RAB3GAP2: variants seen among roughly 807,000 people sequenced by gnomAD.
RAB3GAP2 encodes rab3 GTPase-activating protein non-catalytic subunit.
A neutral mutation model predicts 185.3 loss-of-function variants in RAB3GAP2; 87 were observed. The observed-to-expected ratio is 0.47, with a 90% confidence interval of 0.39 to 0.56. The LOEUF is 0.56. RAB3GAP2 is among the 20% of genes least tolerant of loss of function. The probability of loss-of-function intolerance (pLI) is 0.00; values close to 1 mark genes in which losing one functional copy is unlikely to be tolerated. For missense variants in RAB3GAP2, 1,492 were observed against 1,638.2 expected (o/e 0.91, Z 1.54); for synonymous variants, 554 against 576.1 (o/e 0.96, Z 0.55).
intron 1 of RAB3GAP2, among the ~76,000 whole-genome samples, chr1:220,237,708 G>A (rs1659619618): frequency 6.6e-6 from 1 of 152,122 alleles, no homozygotes; most frequent in Admixed American, 6.5e-5. Context: ...AAACCTAAGT[G>A]CTGGTCTAAT....
intron 31 of RAB3GAP2, among the ~76,000 whole-genome samples, chr1:220,154,974 C>T (rs1021050437): frequency 6.6e-6 from 1 of 152,208 alleles, no homozygotes; most frequent in Non-Finnish European, 1.5e-5. Flanking sequence ...ATCTGCCCGC[C>T]TCAGCCTCCC....
At chr1:220,157,521 G>A in intron 30 of RAB3GAP2, 33 bp from the exon 31 acceptor site, 1 of 1,595,474 alleles carries the variant, frequency 6.3e-7, no homozygotes, top group Non-Finnish European at 8.6e-7. Flanking sequence ...ACTGTGTTCA[G>A]TAATGGAAAA....
intron 13 of RAB3GAP2, among the ~76,000 whole-genome samples, chr1:220,191,809 ACT>A (rs925675421): frequency 6.6e-6 from 1 of 151,264 alleles, no homozygotes. Context: ...CAAGAGCGAA[ACT>A]CTCTAAAAAA....
intron 1 of RAB3GAP2, among the ~76,000 whole-genome samples, chr1:220,236,908 T>C (rs774221919): frequency 2.0e-5 from 3 of 152,176 alleles, no homozygotes; most frequent in Non-Finnish European, 4.4e-5. Flanking sequence ...TTTAGGTTAA[T>C]ATGGAATATT....
intron 4 of RAB3GAP2, among the ~76,000 whole-genome samples, chr1:220,212,647 C>T (rs1451685403): frequency 6.6e-6 from 1 of 152,070 alleles, no homozygotes; most frequent in Non-Finnish European, 1.5e-5. Flanking sequence ...GTGTGCGCAT[C>T]ACATCCAGCT....
intron 1 of RAB3GAP2, among the ~76,000 whole-genome samples, chr1:220,245,425 G>A (rs924820965): frequency 3.9e-5 from 6 of 152,164 alleles, no homozygotes; most frequent in Non-Finnish European, 7.4e-5. Context: ...CTGGAAAATC[G>A]GGTCACTCCC....
intron 1 of RAB3GAP2, among the ~76,000 whole-genome samples, chr1:220,246,696 C>G (rs2102517850): frequency 7.5e-6 from 1 of 132,892 alleles, no homozygotes; most frequent in African/African-American, 2.9e-5. Context: ...CGCATATTCT[C>G]ACTCATAGGT....
intron 1 of RAB3GAP2, among the ~76,000 whole-genome samples, chr1:220,271,515 G>A (rs745335002): frequency 6.6e-6 from 1 of 152,148 alleles, no homozygotes. Flanking sequence ...TAGGTGGAAG[G>A]CTTCAATAAA....
chr1:220,254,474 C>T, intron 1 of RAB3GAP2: 5 of 1,613,568 alleles, frequency 3.1e-6, no homozygotes, highest in Non-Finnish European at 4.2e-6. Flanking sequence ...GCAAAGAATT[C>T]TGCAACTTTG....
chr1:220,172,152 T>C (rs542115599), intron 22 of RAB3GAP2, 103 bp from the exon 23 acceptor site: 472 of 1,145,212 alleles, frequency 4.1e-4, no homozygotes, highest in Non-Finnish European at 5.6e-4. Context: ...TACCTACTGA[T>C]GTGTTTTTGT....
intron 2 of RAB3GAP2, among the ~76,000 whole-genome samples, chr1:220,228,725 A>C (rs1355975785): frequency 2.6e-5 from 4 of 152,330 alleles, no homozygotes; most frequent in Non-Finnish European, 5.9e-5. Context: ...ACAGGGGTTC[A>C]AAAATGGATA....
intron 8 of RAB3GAP2, among the ~76,000 whole-genome samples, chr1:220,205,586 A>G (rs556706903): frequency 6.6e-6 from 1 of 152,312 alleles, no homozygotes; most frequent in Admixed American, 6.5e-5. Flanking sequence ...TTGGTTGTCA[A>G]TACTAGGGTT....
intron 19 of RAB3GAP2, 24 bp from the exon 20 acceptor site, chr1:220,182,955 A>C (rs1028050530): frequency 6.4e-7 from 1 of 1,567,518 alleles, no homozygotes; most frequent in East Asian, 2.2e-5. Flanking sequence ...AACAAAACAA[A>C]ACAACATTCC....
chr1:220,257,446 C>G (rs2808013), intron 1 of RAB3GAP2, among the ~76,000 whole-genome samples: 69,318 of 151,782 alleles, frequency 0.46, 17,877 homozygotes, highest in African/African-American at 0.71. Context: ...CAACCAGAAG[C>G]AAATTGAACA....
At chr1:220,244,729 T>A (rs1231209579) in intron 1 of RAB3GAP2, among the ~76,000 whole-genome samples, 1 of 152,134 alleles carries the variant, frequency 6.6e-6, no homozygotes, top group African/African-American at 2.4e-5. Context: ...TGGAACAGAA[T>A]AAAGAACCCA....
At position 220,269,895 on chromosome 1, in the gene RAB3GAP2, A is replaced by G. The variant is rs527346028; in HGVS notation, c.115+2328T>C. Among the ~76,000 whole-genome samples the G allele has an allele frequency of 2.8e-4, 43 of 152,328 alleles. 1 individual carries two copies. The South Asian group carries it at 7.9e-3, about 28-fold the overall frequency. On this transcript the variant is annotated intron_variant, in intron 1 of 34. Transcript: ENST00000358951. Reference sequence around the variant, plus strand: ...TGGTGGCCTGGACCAGGAGAGTGGTAGAAGGATAAAGAAAATCTGTTCCTT... The same window carrying G: ...TGGTGGCCTGGACCAGGAGAGTGGTGGAAGGATAAAGAAAATCTGTTCCTT...
At chr1:220,161,088 C>T (rs1571875765) in intron 28 of RAB3GAP2, among the ~76,000 whole-genome samples, 2 of 151,852 alleles carry the variant, frequency 1.3e-5, no homozygotes, top group South Asian at 2.1e-4. Flanking sequence ...GTTATTCTCT[C>T]GAAAGACGAG....
chr1:220,258,067 C>G (rs1405392912), intron 1 of RAB3GAP2, among the ~76,000 whole-genome samples: 1 of 152,112 alleles, frequency 6.6e-6, no homozygotes, highest in African/African-American at 2.4e-5. Flanking sequence ...TCTGAACAGA[C>G]CAGTAATGAA....
In RAB3GAP2 at chr1:220,232,779, A is replaced by C; in HGVS notation, c.180+20T>G. 6.3e-7 allele frequency: 1 copy of C among 1,593,762 alleles called. No individual in the cohort carries two copies. ...AAAATGCCACTATCAAAAAACATGC[A>C]TATATTTGTAAAGACTTACAGGTTC... On this transcript the variant is annotated intron_variant, in intron 2 of 34. Transcript: ENST00000358951.
Sources: gnomAD v4.1 joint callset for allele counts (sites outside exome capture counted in the v4.1 genomes callset) on GRCh38, gnomAD v4.1.1 for gene constraint, MANE v1.5 for transcripts, NCBI Gene and HGNC (gene_info 2026-07-23, HGNC 2026-07-21) for gene names.